FAF1: variants seen among roughly 807,000 people sequenced by gnomAD.
FAF1 encodes FAS-associated factor 1.
Under a neutral mutation model 92.5 loss-of-function variants are expected in FAF1, and 25 were observed. The ratio of observed to expected loss-of-function variants is 0.27; its 90% CI spans 0.20 to 0.38. The LOEUF is 0.38. FAF1 is among the 10% of genes least tolerant of loss of function. FAF1 has a pLI of 1.00. For synonymous variants in FAF1, 234 were observed against 273.2 expected, an observed-to-expected ratio of 0.86 and a Z score of 1.42; for missense variants, 636 against 793.3, an observed-to-expected ratio of 0.80 and a Z score of 2.38.
At chr1:50,798,233 T>C (rs6670461) in intron 3 of FAF1, among the ~76,000 whole-genome samples, 494 of 152,314 alleles carry the variant, frequency 3.2e-3, no homozygotes, top group South Asian at 6.6e-3. Flanking sequence ...GAAAGCCTAA[T>C]GGTCAAGGTT....
At chr1:50,494,638 C>T (rs986018629) in intron 15 of FAF1, among the ~76,000 whole-genome samples, 5 of 152,218 alleles carry the variant, frequency 3.3e-5, no homozygotes, top group African/African-American at 1.2e-4. Flanking sequence ...ATACTTGTCA[C>T]TGCTCTCATA....
intron 7 of FAF1, among the ~76,000 whole-genome samples, chr1:50,673,139 T>G (rs565673560): frequency 1.3e-5 from 2 of 151,708 alleles, no homozygotes; most frequent in South Asian, 4.2e-4. Context: ...ATACCTGTAA[T>G]CCCAGCTACT....
In FAF1 at chr1:50,891,164, C is replaced by T. The variant is rs915934602; in HGVS notation, c.46-33167G>A. Among the ~76,000 whole-genome samples, 57 of 152,136 alleles carry T rather than the reference C, an allele frequency of 3.7e-4. 1 individual carries two copies. The highest frequency in any genetic ancestry group is 3.7e-3 in the Admixed American group (56 of 15,268). ...CAGTTGATGAAATCGGCTATTGAAG[C>T]TTGTACATGTGTCATGTAGTTCTTG... is the stretch of plus-strand genomic sequence containing the variant. On this transcript the variant is annotated intron_variant, in intron 1 of 18. Transcript: ENST00000396153.
intron 6 of FAF1, among the ~76,000 whole-genome samples, chr1:50,721,032 C>T (rs11205764): frequency 0.031 from 4,734 of 152,170 alleles, 244 homozygotes; most frequent in African/African-American, 0.11. Context: ...AGTATGTTTT[C>T]CTCTTGTTAA....
intron 7 of FAF1, among the ~76,000 whole-genome samples, chr1:50,680,201 T>G (rs78877224): frequency 0.031 from 4,664 of 152,286 alleles, 250 homozygotes; most frequent in African/African-American, 0.11. Context: ...AAACTAGGGT[T>G]TGACTGTTAT....
chr1:50,491,505 G>A (rs1366982614), intron 16 of FAF1, among the ~76,000 whole-genome samples: 1 of 152,122 alleles, frequency 6.6e-6, no homozygotes, highest in Admixed American at 6.5e-5. Flanking sequence ...ATAGATACTA[G>A]GTTCATCTTT....
intron 1 of FAF1, among the ~76,000 whole-genome samples, chr1:50,888,085 G>T (rs982535622): frequency 6.6e-6 from 1 of 152,138 alleles, no homozygotes; most frequent in African/African-American, 2.4e-5. Context: ...CCTTGAAGAG[G>T]TCCTTCACGT....
chr1:50,890,731 CCT>C (rs549661920), intron 1 of FAF1, among the ~76,000 whole-genome samples: 47 of 152,246 alleles, frequency 3.1e-4, no homozygotes, highest in African/African-American at 1.1e-3. Flanking sequence ...CGAGAGATCC[CCT>C]GTTAGTCTGA....
At chr1:50,654,517 G>A (rs1194107332) in intron 8 of FAF1, among the ~76,000 whole-genome samples, 1 of 152,072 alleles carries the variant, frequency 6.6e-6, no homozygotes, top group East Asian at 1.9e-4. Context: ...GATAGGAAAG[G>A]CTTCAAACAT....
intron 8 of FAF1, among the ~76,000 whole-genome samples, chr1:50,631,150 C>T (rs909001864): frequency 4.6e-5 from 7 of 152,108 alleles, no homozygotes; most frequent in Non-Finnish European, 8.8e-5. Flanking sequence ...TGTCTAAACG[C>T]ATTTTTTTCC....
chr1:50,878,726 A>G (rs1184527709), intron 1 of FAF1, among the ~76,000 whole-genome samples: 2 of 152,172 alleles, frequency 1.3e-5, no homozygotes. Flanking sequence ...TTACACATTA[A>G]AAACTAACTA....
intron 2 of FAF1, among the ~76,000 whole-genome samples, chr1:50,852,492 T>A (rs1028682578): frequency 6.6e-6 from 1 of 152,036 alleles, no homozygotes; most frequent in Admixed American, 6.6e-5. Flanking sequence ...GTATTTAGAG[T>A]AAAGCACTAC....
chr1:50,628,473 C>A (rs540693859), intron 8 of FAF1, among the ~76,000 whole-genome samples: 9 of 152,240 alleles, frequency 5.9e-5, no homozygotes, highest in African/African-American at 1.4e-4. Context: ...AAGTACCTAG[C>A]CTTTTATCTT....
chr1:50,617,886 G>A (rs1653002685), intron 8 of FAF1, among the ~76,000 whole-genome samples: 1 of 151,882 alleles, frequency 6.6e-6, no homozygotes, highest in South Asian at 2.1e-4. Context: ...TCAACCTTGG[G>A]AGATTGTGTG....
At chr1:50,629,143 T>C (rs143507189) in intron 8 of FAF1, among the ~76,000 whole-genome samples, 1,676 of 151,560 alleles carry the variant, frequency 0.011, 27 homozygotes, top group African/African-American at 0.039. Context: ...AGATCAATCT[T>C]ATAGATCCAG....
rs374031621 is a variant in FAF1 at position 50,866,413 on chromosome 1, G to A, written c.46-8416C>T. Among the ~76,000 whole-genome samples the A allele has an allele frequency of 2.0e-4, 30 of 152,078 alleles. No individual in the cohort carries two copies. In the South Asian group the frequency reaches 4.4e-3, roughly 22 times the overall value. On this transcript the variant is annotated intron_variant, in intron 1 of 18. Coordinates refer to ENST00000396153, the MANE Select transcript of FAF1 (RefSeq NM_007051.3). ...GGAAGTCAAACTGTTGATGTTTGCCGATGATATAATTGTATACCTAGGAAA... is the reference window on the plus strand; with the variant it reads ...GGAAGTCAAACTGTTGATGTTTGCCAATGATATAATTGTATACCTAGGAAA...
At chr1:50,709,302 C>T (rs888674146) in intron 6 of FAF1, among the ~76,000 whole-genome samples, 4 of 152,138 alleles carry the variant, frequency 2.6e-5, no homozygotes, top group Non-Finnish European at 5.9e-5. Flanking sequence ...ATATCACATA[C>T]TTTATTGTCT....
intron 5 of FAF1, among the ~76,000 whole-genome samples, chr1:50,739,396 A>G (rs911127502): frequency 3.4e-5 from 4 of 117,624 alleles, no homozygotes; most frequent in South Asian, 4.7e-4. Flanking sequence ...ATGTGTGTTT[A>G]TGTGTATGTG....
chr1:50,671,001 GGA>G (rs1216236095), intron 7 of FAF1, among the ~76,000 whole-genome samples: 1 of 151,988 alleles, frequency 6.6e-6, no homozygotes, highest in Non-Finnish European at 1.5e-5. Flanking sequence ...AAAATTGAAG[GGA>G]GATAGAATAT....
Sources: gnomAD v4.1 joint callset for allele counts (sites outside exome capture counted in the v4.1 genomes callset) on GRCh38, gnomAD v4.1.1 for gene constraint, MANE v1.5 for transcripts, NCBI Gene and HGNC (gene_info 2026-07-23, HGNC 2026-07-21) for gene names.